The following SLC44A1 variants were observed in gnomAD, a reference collection of about 807,000 sequenced individuals.
The protein encoded by SLC44A1 is choline transporter-like protein 1.
A neutral mutation model predicts 79.3 loss-of-function variants in SLC44A1; 26 were observed. The observed-to-expected ratio is 0.33, with a 90% CI of 0.24 to 0.46. SLC44A1 has a LOEUF of 0.46. Ranked by LOEUF, SLC44A1 falls within the 20% of genes least tolerant of loss-of-function variation. SLC44A1 has a pLI of 1.00. For missense variants in SLC44A1, 688 were observed against 798.1 expected, an observed-to-expected ratio of 0.86 and a Z score of 1.66; for synonymous variants, 263 against 286.2, an observed-to-expected ratio of 0.92 and a Z score of 0.82.
chr9:105,379,551 T>G (rs1337274663), intron 13 of SLC44A1, among the ~76,000 whole-genome samples: 1 of 152,144 alleles, frequency 6.6e-6, no homozygotes, highest in Non-Finnish European at 1.5e-5. Flanking sequence ...CACAATTACC[T>G]CTAAATTTTA....
At chr9:105,424,260 T>C (rs1829291795) in intron 15 of SLC44A1, among the ~76,000 whole-genome samples, 1 of 152,148 alleles carries the variant, frequency 6.6e-6, no homozygotes, top group Admixed American at 6.5e-5. Context: ...TCCAGAATCC[T>C]AGTACCCTAG....
chr9:105,388,855 T>C (rs1202827732), intron 15 of SLC44A1, among the ~76,000 whole-genome samples, 178 bp from the exon 16 acceptor site: 1 of 152,204 alleles, frequency 6.6e-6, no homozygotes, highest in Non-Finnish European at 1.5e-5. Context: ...TGATCCTGGA[T>C]AAAGTGTGAC....
chr9:105,266,898 G>T (rs1216267519), intron 1 of SLC44A1, among the ~76,000 whole-genome samples: 2 of 152,340 alleles, frequency 1.3e-5, no homozygotes, highest in Admixed American at 6.5e-5. Context: ...CATTAGGGAA[G>T]AATTAATTGT....
At chr9:105,361,354 T>G (rs748515199) in intron 8 of SLC44A1, 24 bp downstream of exon 8, 1 of 1,556,322 alleles carries the variant, frequency 6.4e-7, no homozygotes, top group Admixed American at 2.1e-5. Context: ...TTGGCGTGTC[T>G]TTCGGTTTTG....
chr9:105,427,462 C>T lies in SLC44A1; in HGVS notation c.1951-10819C>T, dbSNP rs184466879. Among the ~76,000 whole-genome samples, 439 of 152,030 alleles carry T rather than the reference C, an allele frequency of 2.9e-3. 10 individuals carry two copies. Among genetic ancestry groups the T allele is most frequent in the Admixed American group, 0.027 (409 of 15,256 alleles). Reference sequence around the variant, plus strand: ...TCTTTAACTTATTTTTTTATAGAGACAGAGGTCTCACTACGTTGCTCAGGC... The same window carrying T: ...TCTTTAACTTATTTTTTTATAGAGATAGAGGTCTCACTACGTTGCTCAGGC... On this transcript the variant is annotated intron_variant, in intron 15 of 15. Transcript: ENST00000374724.
At chr9:105,397,821 G>C (rs1310854566), downstream of SLC44A1, among the ~76,000 whole-genome samples, 1 of 151,932 alleles carries the variant, frequency 6.6e-6, no homozygotes, top group Non-Finnish European at 1.5e-5. Flanking sequence ...GGTGGCGGGC[G>C]CCTGTAGTCC....
chr9:105,423,700 T>C (rs1829285285), intron 15 of SLC44A1, among the ~76,000 whole-genome samples: 1 of 152,208 alleles, frequency 6.6e-6, no homozygotes, highest in South Asian at 2.1e-4. Flanking sequence ...AGTAACACTG[T>C]TAAACCAGTT....
chr9:105,402,261 C>G (rs1002995025), downstream of SLC44A1, among the ~76,000 whole-genome samples: 1 of 151,974 alleles, frequency 6.6e-6, no homozygotes, highest in Non-Finnish European at 1.5e-5. Flanking sequence ...AAGAGAAAGA[C>G]TTGGGAGGAA....
At chr9:105,387,060 A>AAAAAAAATATATATATATATATAT (rs34780893) in intron 15 of SLC44A1, among the ~76,000 whole-genome samples, 2 of 7,730 alleles carry the variant, frequency 2.6e-4, no homozygotes, top group African/African-American at 4.1e-4. Flanking sequence ...AAAAAAAAAA[A>AAAAAAAATATATATATATATATAT]ATATATATAT....
rs1828356790 is a variant in SLC44A1 at position 105,378,271 on chromosome 9, T to G, written c.1632+3536T>G. Among the ~76,000 whole-genome samples, 3 of 152,120 alleles carry G rather than the reference T, an allele frequency of 2.0e-5. No homozygotes were observed. The South Asian group carries it at 6.2e-4, about 31-fold the overall frequency. On this transcript the variant is annotated intron_variant, in intron 13 of 15. Transcript: ENST00000374720. ...CTCAAAAACAAAAACAAAAGAAACC[T>G]AGTAGAGAAGGCAGTTTTGTATACC... is the stretch of plus-strand genomic sequence containing the variant.
In SLC44A1 at chr9:105,394,666, T is replaced by C; in HGVS notation, c.*5610T>C. Reference sequence around the variant, plus strand: ...ATACTACTGTCTTAAAATATATTTGTCAACATGTCCAGTTCCAACAACAGT... The same window carrying C: ...ATACTACTGTCTTAAAATATATTTGCCAACATGTCCAGTTCCAACAACAGT... On this transcript the variant is annotated 3_prime_UTR_variant, in exon 16 of 16. Coordinates refer to ENST00000374720, the MANE Select transcript of SLC44A1 (RefSeq NM_080546.5). 1.0e-6 allele frequency: 1 copy of C among 985,378 alleles called. No individual in the cohort carries two copies. The highest frequency in any genetic ancestry group is 1.2e-6 in the Non-Finnish European group (1 of 829,890). The allele number at this position is 985,378 out of a possible 1,614,324, so 61.0% of individuals were successfully genotyped here.
intron 15 of SLC44A1, among the ~76,000 whole-genome samples, chr9:105,435,645 T>A (rs745902864): frequency 6.6e-6 from 1 of 152,164 alleles, no homozygotes; most frequent in Non-Finnish European, 1.5e-5. Flanking sequence ...CTCCTGTTGC[T>A]CCAGGCTTTG....
chr9:105,429,120 A>G (rs1829359489), intron 15 of SLC44A1, among the ~76,000 whole-genome samples: 1 of 152,208 alleles, frequency 6.6e-6, no homozygotes, highest in Non-Finnish European at 1.5e-5. Flanking sequence ...CTGCATTCAC[A>G]TCTCCACAGT....
intron 3 of SLC44A1, among the ~76,000 whole-genome samples, chr9:105,313,820 G>A (rs890080654): frequency 2.6e-5 from 4 of 151,930 alleles, no homozygotes; most frequent in East Asian, 1.9e-4. Context: ...GTGCAATGGC[G>A]TGATCTTGGT....
intron 12 of SLC44A1, among the ~76,000 whole-genome samples, chr9:105,366,707 G>A (rs1827952809): frequency 6.6e-6 from 1 of 152,054 alleles, no homozygotes; most frequent in Non-Finnish European, 1.5e-5. Flanking sequence ...TTAATAAATA[G>A]ATAAAACATC....
At chr9:105,438,423 C>A (rs1829490886) in exon 16 of SLC44A1, 2 of 712,798 alleles carry the variant, frequency 2.8e-6, no homozygotes, top group South Asian at 1.8e-5. Flanking sequence ...AAGCATGTAA[C>A]AAGTTTCTCA....
At chr9:105,353,614 A>G (rs2131393142) in intron 5 of SLC44A1, among the ~76,000 whole-genome samples, 1 of 152,302 alleles carries the variant, frequency 6.6e-6, no homozygotes, top group African/African-American at 2.4e-5. Context: ...GGCAGGGTGC[A>G]AGGTTAGAAG....
In SLC44A1 at chr9:105,335,621, G is replaced by A; in HGVS notation, c.328G>A (p.Val110Ile). 6.2e-7 allele frequency: 1 copy of A among 1,613,512 alleles called. No homozygotes were observed. The highest frequency in any genetic ancestry group is 8.5e-7 in the Non-Finnish European group (1 of 1,179,486). Residue 110 changes from valine to isoleucine, a missense_variant, in exon 4 of 16, where the codon GTA becomes ATA. Physicochemically the swap from Val to Ile is conservative, Grantham distance 29. Coordinates refer to ENST00000374720, the MANE Select transcript of SLC44A1 (RefSeq NM_080546.5). ...CTTGATAAACCGGAAGATTAAGTCT[G>A]TAGCACTGTGTGTAGCAGCGTGTCC... is the stretch of plus-strand genomic sequence containing the variant. ...LDLINRKIKS[V>I]ALCVAACPRQ...
At chr9:105,295,324 C>G (rs1305909540) in intron 1 of SLC44A1, among the ~76,000 whole-genome samples, 2 of 152,210 alleles carry the variant, frequency 1.3e-5, no homozygotes, top group Non-Finnish European at 2.9e-5. Context: ...TATTCAGTTC[C>G]TAAACCGCAA....
Sources: allele counts gnomAD v4.1 joint callset (sites outside exome capture counted in the v4.1 genomes callset), GRCh38; gene constraint gnomAD v4.1.1; transcripts MANE v1.5; gene names NCBI Gene and HGNC (gene_info 2026-07-23, HGNC 2026-07-21).